ZNF367: variants seen among roughly 807,000 people sequenced by gnomAD.
ZNF367 encodes C2H2 zinc finger protein ZFF29.
In ZNF367, 11 loss-of-function variants were observed where a neutral mutation model predicts 31.8. The observed-to-expected ratio is 0.35, with a 90% CI of 0.22 to 0.57. The LOEUF (loss-of-function observed/expected upper bound fraction) is 0.57, where lower values mean the gene tolerates loss of function less well. ZNF367 is among the 20% of genes least tolerant of loss of function. ZNF367 has a pLI of 0.85. For missense variants in ZNF367, 353 were observed against 484.1 expected, an observed-to-expected ratio of 0.73 and a Z score of 2.54; for synonymous variants, 199 against 202.4, an observed-to-expected ratio of 0.98 and a Z score of 0.14.
chr9:96,413,919 C>T (rs1831783870), intron 1 of ZNF367, among the ~76,000 whole-genome samples: 1 of 152,162 alleles, frequency 6.6e-6, no homozygotes. Flanking sequence ...GCTGTTAGTG[C>T]CTCTATGTGG....
chr9:96,396,966 C>T (rs570214269), intron 2 of ZNF367, among the ~76,000 whole-genome samples: 12 of 152,238 alleles, frequency 7.9e-5, no homozygotes, highest in Non-Finnish European at 1.6e-4. Flanking sequence ...CGCACCCAGC[C>T]ATGAAATTAA....
chr9:96,396,139 C>T (rs1193030381), intron 2 of ZNF367, among the ~76,000 whole-genome samples: 1 of 152,080 alleles, frequency 6.6e-6, no homozygotes, highest in Admixed American at 6.5e-5. Flanking sequence ...GATGTACAGA[C>T]ATCTAGGCTG....
At chr9:96,414,413 G>A (rs1428628759) in intron 1 of ZNF367, among the ~76,000 whole-genome samples, 1 of 152,098 alleles carries the variant, frequency 6.6e-6, no homozygotes, top group Non-Finnish European at 1.5e-5. Context: ...TTTTACAACC[G>A]TTGGTATACT....
intron 1 of ZNF367, among the ~76,000 whole-genome samples, chr9:96,406,376 G>A (rs1483381714): frequency 6.6e-6 from 1 of 152,124 alleles, no homozygotes; most frequent in African/African-American, 2.4e-5. Context: ...TGAAAGAAAA[G>A]TTCAATCCCT....
Position 96,418,094 on chromosome 9 carries a change from C to T in ZNF367, c.-62G>A, listed in dbSNP as rs1396685111. 1.5e-6 allele frequency: 2 copies of T among 1,310,446 alleles called. No individual in the cohort carries two copies. The highest frequency in any genetic ancestry group is 3.1e-5 in the African/African-American group (2 of 64,750). The allele number at this position is 1,310,446 out of a possible 1,614,324, so 81.2% of individuals were successfully genotyped here. On this transcript the variant is annotated 5_prime_UTR_variant, in exon 1 of 5. Transcript: ENST00000375256. The stretch of plus-strand genomic sequence containing the variant: ...CGCACTCCTGAGCACCGCTCTGCCC[C>T]TCACTCGCTCTGCTCCGAGTCGCAG...
chr9:96,401,917 TGAGCCCAG>T (rs1194226274), intron 1 of ZNF367, among the ~76,000 whole-genome samples: 1 of 151,804 alleles, frequency 6.6e-6, no homozygotes, highest in Non-Finnish European at 1.5e-5. Flanking sequence ...GAGGATCACT[TGAGCCCAG>T]GAGTTCAAGG....
chr9:96,404,540 C>T (rs1226805902), intron 1 of ZNF367, among the ~76,000 whole-genome samples: 1 of 151,718 alleles, frequency 6.6e-6, no homozygotes, highest in African/African-American at 2.4e-5. Flanking sequence ...TTGCAGTGAG[C>T]CGAGATCACG....
At chr9:96,399,009 A>C (rs1325163387) in intron 1 of ZNF367, among the ~76,000 whole-genome samples, 1 of 152,168 alleles carries the variant, frequency 6.6e-6, no homozygotes, top group Non-Finnish European at 1.5e-5. Flanking sequence ...CCTGGGGCAA[A>C]AGATTTCAGT....
rs1831861865 is a variant in ZNF367 at position 96,418,145 on chromosome 9, A to G, written c.-113T>C. 3.2e-6 allele frequency: 4 copies of G among 1,257,370 alleles called. No individual in the cohort carries two copies. The highest frequency in any genetic ancestry group is 4.0e-6 in the Non-Finnish European group (4 of 998,878). 77.9% of individuals were successfully genotyped at this position (1,257,370 alleles called of 1,614,324 possible). A position where few individuals can be genotyped will look rare whatever the true frequency, so the allele number is the denominator to read the frequency against. ...GCTCAGTCCTGCCGGCTCATGGCAG[A>G]CTGACGTTTCCCGGAATCCTGCGCA... On this transcript the variant is annotated 5_prime_UTR_variant, in exon 1 of 5. Transcript: ENST00000375256.
At chr9:96,396,541 C>T (rs931709447) in intron 2 of ZNF367, among the ~76,000 whole-genome samples, 2 of 151,862 alleles carry the variant, frequency 1.3e-5, no homozygotes, top group Non-Finnish European at 2.9e-5. Context: ...GCACCATAAA[C>T]ATGGTGGAAA....
chr9:96,414,430 C>CT (rs1335263924), intron 1 of ZNF367, among the ~76,000 whole-genome samples: 1 of 152,132 alleles, frequency 6.6e-6, no homozygotes, highest in Non-Finnish European at 1.5e-5. Context: ...TACTTTACCT[C>CT]TGAAAAGAGG....
rs1042004728 is a variant in ZNF367, at chr9:96,388,167, T to C, written c.*70A>G. On this transcript the variant is annotated 3_prime_UTR_variant, in exon 5 of 5. Transcript: ENST00000375256. ...TGATAAGCAAATAAGGTGCTTAGCT[T>C]ATGCCCAAGGATCTACTTTTTAAGT... The C allele has an allele frequency of 6.9e-7, 1 of 1,454,814 alleles. No individual in the cohort carries two copies. 90.1% of individuals were successfully genotyped at this position (1,454,814 alleles called of 1,614,324 possible).
chr9:96,415,854 G>A (rs145714980), intron 1 of ZNF367, among the ~76,000 whole-genome samples: 1,853 of 152,072 alleles, frequency 0.012, 27 homozygotes, highest in Non-Finnish European at 0.015. Flanking sequence ...CCAGACTGAA[G>A]TGCAGTGGTG....
At chr9:96,415,119 A>G (rs1831801833) in intron 1 of ZNF367, among the ~76,000 whole-genome samples, 1 of 149,446 alleles carries the variant, frequency 6.7e-6, no homozygotes. Flanking sequence ...CAGTGGCACG[A>G]TCTCGGCTCA....
At chr9:96,397,149 T>C (rs755655159) in intron 2 of ZNF367, among the ~76,000 whole-genome samples, 1 of 152,200 alleles carries the variant, frequency 6.6e-6, no homozygotes, top group African/African-American at 2.4e-5. Flanking sequence ...CAGTGGCTAC[T>C]GTATGGGGCA....
Position 96,418,016 on chromosome 9 carries a change from T to A in ZNF367, c.17A>T (p.Glu6Val). The A allele has an allele frequency of 2.2e-6, 3 of 1,384,480 alleles. No homozygotes were observed. The highest frequency in any genetic ancestry group is 9.3e-7 in the Non-Finnish European group (1 of 1,076,250). 85.8% of individuals were successfully genotyped at this position (1,384,480 alleles called of 1,614,324 possible). A position where few individuals can be genotyped will look rare whatever the true frequency, so the allele number is the denominator to read the frequency against. Residue 6 changes from glutamate to valine, a missense_variant, in exon 1 of 5, where the codon GAG (glutamate) becomes GTG (valine). Around this residue, in one of 5 missense-constraint regions of ZNF367, gnomAD observed 94 missense variants for 86.7 expected, o/e 1.08. Transcript: ENST00000375256. ...CGGCGGGTTCTCCGCCATGGGCGCCTCGAAGCCCCGGATCATCGCCCGGCC... is the reference window on the plus strand; with the variant it reads ...CGGCGGGTTCTCCGCCATGGGCGCCACGAAGCCCCGGATCATCGCCCGGCC... The part of the protein sequence containing the change: MIRGF[E>V]APMAENPPPP...
At chr9:96,407,164 T>TA in intron 1 of ZNF367, 1 of 639,196 alleles carries the variant, frequency 1.6e-6, no homozygotes, top group Non-Finnish European at 2.8e-6. Context: ...TATTATTAAA[T>TA]AAATAAATAG....
At chr9:96,415,398 T>A (rs1831807896) in intron 1 of ZNF367, among the ~76,000 whole-genome samples, 1 of 148,284 alleles carries the variant, frequency 6.7e-6, no homozygotes, top group South Asian at 2.1e-4. Flanking sequence ...CACTAGGGGA[T>A]ACCTAGAGGC....
At chr9:96,408,693 C>T (rs1434057563) in intron 1 of ZNF367, among the ~76,000 whole-genome samples, 2 of 152,080 alleles carry the variant, frequency 1.3e-5, no homozygotes, top group East Asian at 1.9e-4. Context: ...GTTGCACAAC[C>T]GTTTACATAT....
Sources: gnomAD v4.1 joint callset for allele counts (sites outside exome capture counted in the v4.1 genomes callset) on GRCh38, gnomAD v4.1.1 for gene constraint, gnomAD v4.1.1 regional missense constraint, MANE v1.5 for transcripts, NCBI Gene and HGNC (gene_info 2026-07-23, HGNC 2026-07-21) for gene names.